The following NFATC2 variants were observed in gnomAD, a reference collection of about 807,000 sequenced individuals.
NFATC2 encodes nuclear factor of activated T cells 2.
NFATC2 carries 22 observed loss-of-function variants against 87.3 expected under a neutral mutation model. The observed-to-expected ratio is 0.25, with a 90% CI of 0.18 to 0.36. The LOEUF is 0.36. Among genes scored for constraint, NFATC2 ranks in the 10% least tolerant of loss-of-function variants. The pLI, the probability that NFATC2 is intolerant of heterozygous loss-of-function variation, is 1.00. For synonymous variants in NFATC2, 565 were observed against 542.2 expected, an observed-to-expected ratio of 1.04 and a Z score of -0.58; for missense variants, 1,149 against 1,259.1, an observed-to-expected ratio of 0.91 and a Z score of 1.32.
At chr20:51,525,463 A>G (rs186641743) in intron 1 of NFATC2, among the ~76,000 whole-genome samples, 1 of 152,204 alleles carries the variant, frequency 6.6e-6, no homozygotes, top group Non-Finnish European at 1.5e-5. Context: ...GCCTCACTGC[A>G]TCCTGTACAG....
chr20:51,462,433 G>C, intron 5 of NFATC2, among the ~76,000 whole-genome samples: 1 of 152,262 alleles, frequency 6.6e-6, no homozygotes, highest in African/African-American at 2.4e-5. Context: ...ATGACAGAGC[G>C]AGACTCTGTC....
chr20:51,466,449 C>T (rs551920145), intron 5 of NFATC2, among the ~76,000 whole-genome samples: 78 of 152,040 alleles, frequency 5.1e-4, no homozygotes, highest in African/African-American at 1.7e-3. Flanking sequence ...AGGGATAAAA[C>T]GGAAGGTGTG....
At chr20:51,518,153 G>A (rs968641064) in intron 2 of NFATC2, among the ~76,000 whole-genome samples, 1 of 152,156 alleles carries the variant, frequency 6.6e-6, no homozygotes, top group Non-Finnish European at 1.5e-5. Flanking sequence ...AATTAATGAA[G>A]CTTATGTTAG....
intron 6 of NFATC2, among the ~76,000 whole-genome samples, chr20:51,448,537 A>C (rs531111120): frequency 4.6e-5 from 7 of 152,214 alleles, no homozygotes; most frequent in Non-Finnish European, 8.8e-5. Context: ...CCAGCTACTC[A>C]GGAGGCTGGG....
In NFATC2 at chr20:51,390,400, ACTT is replaced by A. The variant is rs534522793; in HGVS notation, c.*1093_*1095del. 5.9e-5 allele frequency: 9 copies of A among 152,298 alleles called. No homozygotes were observed. Among genetic ancestry groups the A allele is most frequent in the South Asian group, 2.1e-4 (1 of 4,824 alleles). 9.4% of individuals were successfully genotyped at this position (152,298 alleles called of 1,614,324 possible). A position where few individuals can be genotyped will look rare whatever the true frequency, so the allele number is the denominator to read the frequency against. Reference sequence around the variant, plus strand: ...TGTTTTACTTAACAAAAATACCCACACTTCTTTTCTTGGTTGCTTTAGCCCTTC... The same window carrying A: ...TGTTTTACTTAACAAAAATACCCACACTTTTCTTGGTTGCTTTAGCCCTTC... On this transcript the variant is annotated 3_prime_UTR_variant, in exon 11 of 11. Transcript: ENST00000371564.
chr20:51,503,015 G>A (rs909941323), intron 3 of NFATC2, among the ~76,000 whole-genome samples: 4 of 152,192 alleles, frequency 2.6e-5, no homozygotes, highest in East Asian at 1.9e-4. Flanking sequence ...AAAATGTGCT[G>A]AGCAGTATGC....
At chr20:51,544,989 C>T (rs1452085405), upstream of NFATC2, among the ~76,000 whole-genome samples, 1 of 152,200 alleles carries the variant, frequency 6.6e-6, no homozygotes, top group Non-Finnish European at 1.5e-5. Flanking sequence ...GTGTATCCAA[C>T]AAGCATCTTG....
intron 3 of NFATC2, among the ~76,000 whole-genome samples, chr20:51,477,497 A>C (rs1988813280): frequency 7.0e-6 from 1 of 143,068 alleles, no homozygotes; most frequent in Non-Finnish European, 1.5e-5. Context: ...TAAAATATAT[A>C]TATATACACA....
At chr20:51,518,370 T>G (rs900795590) in intron 2 of NFATC2, among the ~76,000 whole-genome samples, 2 of 152,200 alleles carry the variant, frequency 1.3e-5, no homozygotes, top group African/African-American at 4.8e-5. Flanking sequence ...CAATTCTATG[T>G]CTTCTCTATC....
intron 9 of NFATC2, among the ~76,000 whole-genome samples, chr20:51,416,998 T>C (rs932355938): frequency 2.6e-5 from 4 of 152,202 alleles, no homozygotes; most frequent in African/African-American, 7.2e-5. Flanking sequence ...TCTCATCAGA[T>C]GAAGGAGTGA....
chr20:51,553,590 G>T (rs1463650704), intron 1 of NFATC2, among the ~76,000 whole-genome samples: 1 of 150,204 alleles, frequency 6.7e-6, no homozygotes, highest in Non-Finnish European at 1.5e-5. Flanking sequence ...CAGGAGAATG[G>T]CATGAACCTG....
chr20:51,459,082 A>T (rs1018408146), intron 5 of NFATC2, among the ~76,000 whole-genome samples: 14 of 152,356 alleles, frequency 9.2e-5, no homozygotes, highest in African/African-American at 3.4e-4. Context: ...TGCTTCAAGC[A>T]GTACAAGACC....
intron 3 of NFATC2, among the ~76,000 whole-genome samples, chr20:51,485,262 C>T (rs529657584): frequency 2.0e-5 from 3 of 152,278 alleles, no homozygotes; most frequent in East Asian, 1.9e-4. Flanking sequence ...CTCATGGTCC[C>T]CCATGGGGTC....
intron 9 of NFATC2, among the ~76,000 whole-genome samples, chr20:51,426,103 G>C (rs1981791689): frequency 7.5e-6 from 1 of 133,828 alleles, no homozygotes; most frequent in Non-Finnish European, 1.7e-5. Context: ...CATCTCCAAA[G>C]ATCAGAGTAG....
chr20:51,512,881 A>G (rs1203197361), intron 3 of NFATC2, among the ~76,000 whole-genome samples: 2 of 152,316 alleles, frequency 1.3e-5, no homozygotes, highest in Non-Finnish European at 2.9e-5. Context: ...GCATTCAGGC[A>G]AGGTACAAAG....
At chr20:51,494,517 C>T (rs988500563) in intron 3 of NFATC2, among the ~76,000 whole-genome samples, 3 of 152,202 alleles carry the variant, frequency 2.0e-5, no homozygotes, top group Admixed American at 1.3e-4. Context: ...GCTACTACTA[C>T]GTGCAGGTCT....
intron 5 of NFATC2, among the ~76,000 whole-genome samples, chr20:51,460,606 G>T (rs1025025794): frequency 2.7e-5 from 4 of 150,396 alleles, no homozygotes; most frequent in African/African-American, 9.8e-5. Context: ...GCTGTTCTCG[G>T]TGAATCCTGA....
In NFATC2 at chr20:51,398,733, GAAAAAGATTTGC is replaced by G; in HGVS notation, c.2723-15_2723-4del. On this transcript the variant is annotated splice_region_variant and splice_polypyrimidine_tract_variant and intron_variant, in intron 9 of 10. Transcript: ENST00000371564. The stretch of plus-strand genomic sequence containing the variant: ...GCTAAGGTGTGTGTCTATCAGCTCT[GAAAAAGATTTGC>G]AAAATCATTTTTGAGAAGAAAAAAA... The G allele has an allele frequency of 6.2e-7, 1 of 1,601,212 alleles. No individual in the cohort carries two copies. Among genetic ancestry groups the G allele is most frequent in the Non-Finnish European group, 8.5e-7 (1 of 1,170,982 alleles).
intron 2 of NFATC2, among the ~76,000 whole-genome samples, chr20:51,521,760 G>A (rs1273448925): frequency 3.3e-5 from 5 of 152,170 alleles, no homozygotes; most frequent in Non-Finnish European, 7.3e-5. Flanking sequence ...GATAATCTCT[G>A]GCCTTAGCCC....
Sources: gnomAD v4.1 joint callset for allele counts (sites outside exome capture counted in the v4.1 genomes callset) on GRCh38, gnomAD v4.1.1 for gene constraint, MANE v1.5 for transcripts, NCBI Gene and HGNC (gene_info 2026-07-23, HGNC 2026-07-21) for gene names.